AUTS2: variants seen among roughly 807,000 people sequenced by gnomAD.
The protein encoded by AUTS2 is autism susceptibility gene 2 protein.
In AUTS2, 17 loss-of-function variants were observed where a neutral mutation model predicts 112.4. The ratio of observed to expected loss-of-function variants is 0.15; its 90% CI spans 0.10 to 0.23. AUTS2 has a LOEUF of 0.23. Ranked by LOEUF, AUTS2 falls within the 10% of genes least tolerant of loss-of-function variation. The pLI is 1.00. For missense variants in AUTS2, 1,510 were observed against 1,701.6 expected (o/e 0.89, Z 1.98); for synonymous variants, 751 against 702.7 (o/e 1.07, Z -1.09).
chr7:69,696,995 G>A (rs1178239090), intron 1 of AUTS2, among the ~76,000 whole-genome samples: 1 of 152,190 alleles, frequency 6.6e-6, no homozygotes, highest in East Asian at 1.9e-4. Context: ...CACTTCTAAG[G>A]GATAGGTTAG....
chr7:70,749,511 C>G (rs1191811010), intron 6 of AUTS2, among the ~76,000 whole-genome samples: 2 of 152,154 alleles, frequency 1.3e-5, no homozygotes, highest in East Asian at 1.9e-4. Context: ...AAGATCAAAA[C>G]TTACTTAGAA....
intron 1 of AUTS2, among the ~76,000 whole-genome samples, chr7:69,840,290 C>T (rs1791918479): frequency 6.6e-6 from 1 of 152,236 alleles, no homozygotes; most frequent in Admixed American, 6.5e-5. Flanking sequence ...TGCTTTTGTT[C>T]AGATTAAGCT....
At chr7:69,919,566 G>T (rs934982000) in intron 2 of AUTS2, among the ~76,000 whole-genome samples, 1 of 152,194 alleles carries the variant, frequency 6.6e-6, no homozygotes, top group Non-Finnish European at 1.5e-5. Context: ...CGTGTATTTT[G>T]TTGGGGAGAG....
At chr7:70,525,033 A>G (rs2129495806) in intron 5 of AUTS2, among the ~76,000 whole-genome samples, 1 of 152,152 alleles carries the variant, frequency 6.6e-6, no homozygotes, top group East Asian at 1.9e-4. Context: ...TGCTTGTAGA[A>G]TCATAGTATC....
At position 70,006,305 on chromosome 7, in the gene AUTS2, G is replaced by A. The variant is rs145732890; in HGVS notation, c.522+106807G>A. ...TGACACTTAGAATTCGTTTCACATT[G>A]CCTTTGAGAGAAACGAGGAGGGGGG... On this transcript the variant is annotated intron_variant, in intron 2 of 18. Transcript: ENST00000342771. 5.9e-5 allele frequency among the ~76,000 whole-genome samples: 9 copies of A among 152,210 alleles called. No individual in the cohort carries two copies. The East Asian group carries it at 1.7e-3, about 29-fold the overall frequency.
intron 4 of AUTS2, among the ~76,000 whole-genome samples, chr7:70,323,273 A>G (rs1039117927): frequency 2.6e-5 from 4 of 152,230 alleles, no homozygotes; most frequent in Non-Finnish European, 4.4e-5. Context: ...AACCCAACTC[A>G]GAGGCTGAGA....
intron 6 of AUTS2, among the ~76,000 whole-genome samples, chr7:70,759,554 C>T (rs1320364722): frequency 6.6e-6 from 1 of 152,136 alleles, no homozygotes; most frequent in African/African-American, 2.4e-5. Context: ...TGGGGTCTTC[C>T]CTTCATCTCT....
chr7:70,649,655 A>G (rs931333186), intron 5 of AUTS2, among the ~76,000 whole-genome samples: 2 of 152,024 alleles, frequency 1.3e-5, no homozygotes, highest in African/African-American at 4.8e-5. Context: ...CAGCCTCCCA[A>G]GCAGCCAGGA....
At chr7:70,077,681 C>T (rs1287441552) in intron 2 of AUTS2, among the ~76,000 whole-genome samples, 5 of 152,168 alleles carry the variant, frequency 3.3e-5, no homozygotes, top group African/African-American at 7.2e-5. Flanking sequence ...GTAGATGGAA[C>T]GGCTCTCTGC....
At chr7:69,710,888 G>A (rs549121778) in intron 1 of AUTS2, among the ~76,000 whole-genome samples, 1 of 152,286 alleles carries the variant, frequency 6.6e-6, no homozygotes, top group African/African-American at 2.4e-5. Flanking sequence ...CCATCTCAGA[G>A]ACAGATTTGT....
intron 4 of AUTS2, among the ~76,000 whole-genome samples, chr7:70,290,002 CA>C (rs1413184457): frequency 1.3e-5 from 2 of 152,148 alleles, no homozygotes; most frequent in African/African-American, 4.8e-5. Context: ...GGGGAAAAAT[CA>C]AATTATTCAA....
chr7:70,515,375 A>G (rs1200697951), intron 5 of AUTS2, among the ~76,000 whole-genome samples: 4 of 147,566 alleles, frequency 2.7e-5, no homozygotes, highest in Non-Finnish European at 5.9e-5. Flanking sequence ...TCCTAGGAGG[A>G]TTTCCAAGGA....
chr7:70,684,122 A>G (rs531916886), intron 5 of AUTS2, among the ~76,000 whole-genome samples: 1 of 151,884 alleles, frequency 6.6e-6, no homozygotes, highest in Non-Finnish European at 1.5e-5. Context: ...GATGCTTAAT[A>G]ATAAGGCTAG....
intron 5 of AUTS2, among the ~76,000 whole-genome samples, chr7:70,452,734 T>C (rs1438822920): frequency 6.6e-6 from 1 of 151,932 alleles, no homozygotes; most frequent in Non-Finnish European, 1.5e-5. Context: ...AGAAAGAAGT[T>C]CCCTGTGGCA....
chr7:69,658,477 A>G (rs1795643604), intron 1 of AUTS2, among the ~76,000 whole-genome samples: 1 of 152,220 alleles, frequency 6.6e-6, no homozygotes, highest in Non-Finnish European at 1.5e-5. Flanking sequence ...AGAGCTAGAC[A>G]ATTATATACT....
chr7:70,505,568 A>C (rs903680755), intron 5 of AUTS2, among the ~76,000 whole-genome samples: 1 of 152,234 alleles, frequency 6.6e-6, no homozygotes, highest in Non-Finnish European at 1.5e-5. Context: ...ATAAGTGTCA[A>C]CAAGATGGAG....
At chr7:70,499,550 G>A (rs141589336) in intron 5 of AUTS2, among the ~76,000 whole-genome samples, 5 of 152,178 alleles carry the variant, frequency 3.3e-5, no homozygotes, top group Admixed American at 6.5e-5. Flanking sequence ...TTCCAATTAC[G>A]TACCACTCCC....
chr7:70,790,799 C>A lies in AUTS2; in HGVS notation c.3583C>A (p.Pro1195Thr), dbSNP rs751803124. 3 of 1,609,390 alleles carry A rather than the reference C, an allele frequency of 1.9e-6. No individual in the cohort carries two copies. Among genetic ancestry groups the A allele is most frequent in the Non-Finnish European group, 2.5e-6 (3 of 1,177,202 alleles). Residue 1195 changes from proline to threonine, a missense_variant, in exon 19 of 19, where the codon CCC becomes ACC. By Grantham distance (38) the Pro-to-Thr change is conservative. Around this residue, in one of 3 missense-constraint regions of AUTS2, gnomAD observed 788 missense variants for 797.6 expected, o/e 0.99. Transcript: ENST00000342771. This position sits in a 1 kb window ranked among gnomAD's most constrained non-coding sequence, Gnocchi z 7.6. ...CCCGGGACTCCCCAGCATGCACTAT[C>A]CCCGCATCAGCCCCACCGCGGGCAA... ...ITPGLPSMHY[P>T]RISPTAGNQN... is the part of the protein sequence containing the mutation.
At chr7:70,220,704 A>C (rs1811431126) in intron 4 of AUTS2, among the ~76,000 whole-genome samples, 1 of 152,214 alleles carries the variant, frequency 6.6e-6, no homozygotes, top group Admixed American at 6.5e-5. Context: ...TTGAAAAGGT[A>C]ACAGGGCATA....
Sources: gnomAD v4.1 joint callset for allele counts (sites outside exome capture counted in the v4.1 genomes callset) on GRCh38, gnomAD v4.1.1 for gene constraint, gnomAD v4.1.1 regional missense constraint, Gnocchi (gnomAD v3.1) non-coding constraint, MANE v1.5 for transcripts, NCBI Gene and HGNC (gene_info 2026-07-23, HGNC 2026-07-21) for gene names.